RNF19A: variants seen among roughly 807,000 people sequenced by gnomAD.
RNF19A encodes the protein ring finger protein 19A, RBR E3 ubiquitin protein ligase.
In RNF19A, 32 loss-of-function variants were observed where a neutral mutation model predicts 75.7. The observed-to-expected ratio is 0.42, with a 90% CI of 0.32 to 0.57. The LOEUF (loss-of-function observed/expected upper bound fraction) is 0.57, where lower values mean the gene tolerates loss of function less well. Among genes scored for constraint, RNF19A ranks in the 20% least tolerant of loss-of-function variants. RNF19A has a pLI of 0.10. For missense variants in RNF19A, 782 were observed against 1,036.3 expected (o/e 0.75, Z 3.37); for synonymous variants, 335 against 345.2 (o/e 0.97, Z 0.33).
chr8:100,257,791 G>A lies in RNF19A; in HGVS notation c.*765C>T, dbSNP rs1004913753. Reference sequence around the variant, plus strand: ...AATGGGGTACAAACTTCCCCTTAGAGAAAGGTGGATTTTTTGTAATACTTA... The same window carrying A: ...AATGGGGTACAAACTTCCCCTTAGAAAAAGGTGGATTTTTTGTAATACTTA... On this transcript the variant is annotated 3_prime_UTR_variant, in exon 10 of 10. Transcript: ENST00000341084. 1.1e-5 allele frequency: 4 copies of A among 378,168 alleles called. No individual in the cohort carries two copies. In the Admixed American group the frequency reaches 1.8e-4, roughly 17 times the overall value. The allele number at this position is 378,168 out of a possible 1,614,324, so 23.4% of individuals were successfully genotyped here. A position where few individuals can be genotyped will look rare whatever the true frequency, so the allele number is the denominator to read the frequency against.
rs1057300424 is a variant in RNF19A, at chr8:100,330,059, G to C, written c.-243+6049C>G. On this transcript the variant is annotated intron_variant, in intron 1 of 3. Transcript: ENST00000519527. This position sits in a 1 kb window ranked among gnomAD's most constrained non-coding sequence, Gnocchi z 4.1. The stretch of plus-strand genomic sequence containing the variant: ...CTTATAGGAGAGGTGGGGGAAGTTG[G>C]ATTAGAGGGCTGCCAGGATCCTTCT... 2.6e-5 allele frequency among the ~76,000 whole-genome samples: 4 copies of C among 152,098 alleles called. No homozygotes were observed. Among genetic ancestry groups the C allele is most frequent in the African/African-American group, 9.7e-5 (4 of 41,408 alleles).
chr8:100,319,446 C>G (rs1010593073), intron 1 of RNF19A, among the ~76,000 whole-genome samples: 1 of 151,818 alleles, frequency 6.6e-6, no homozygotes, highest in African/African-American at 2.4e-5. Context: ...GGAGTTGAGG[C>G]CTACTTTGCA....
upstream of RNF19A, chr8:100,310,374 G>A: frequency 2.7e-6 from 1 of 373,192 alleles, no homozygotes; most frequent in Non-Finnish European, 3.7e-6. Context: ...GCGCCGGGCA[G>A]TGGGGCCGGT....
rs1308430585 is a variant in RNF19A, at chr8:100,322,365, TCCA to T, written c.-242-8996_-242-8994del. On this transcript the variant is annotated intron_variant, in intron 1 of 3. Transcript: ENST00000519527. This position sits in a 1 kb window ranked among gnomAD's most constrained non-coding sequence, Gnocchi z 5.1. ...CAAACTCTTTCCTTATACCTCATGATCCAACCTCTGCTAGCTTCAAACTTTTCT... is the reference window on the plus strand; with the variant it reads ...CAAACTCTTTCCTTATACCTCATGATACCTCTGCTAGCTTCAAACTTTTCT... 6.6e-6 allele frequency among the ~76,000 whole-genome samples: 1 copy of T among 152,274 alleles called. No individual in the cohort carries two copies. The highest frequency in any genetic ancestry group is 2.4e-5 in the African/African-American group (1 of 41,474).
At position 100,259,100 on chromosome 8, in the gene RNF19A, G is replaced by C. The variant is rs762167828; in HGVS notation, c.1973C>G (p.Ser658Cys). 1.2e-6 allele frequency: 2 copies of C among 1,614,046 alleles called. No homozygotes were observed. The highest frequency in any genetic ancestry group is 1.3e-5 in the African/African-American group (1 of 74,994). Residue 658 changes from serine (S) to cysteine (C), a missense_variant, in exon 10 of 10, where the codon TCT (serine) becomes TGT (cysteine). Coordinates refer to ENST00000341084, the MANE Select transcript of RNF19A (RefSeq NM_183419.4). The surrounding 1 kb of genome is among the most constrained non-coding windows in gnomAD (Gnocchi z 4.5). Reference protein sequence around the residue: ...GSSSGLPEGKSSATKWSKEAT... With the variant: ...GSSSGLPEGKCSATKWSKEAT... ...TTCTTTGGACCACTTGGTGGCACTA[G>C]ATTTACCTTCAGGCAAGCCACTGGA...
intron 1 of RNF19A, among the ~76,000 whole-genome samples, chr8:100,302,949 G>T (rs1318196136): frequency 6.6e-6 from 1 of 152,092 alleles, no homozygotes; most frequent in African/African-American, 2.4e-5. Context: ...GAGACTGGAG[G>T]GTATTAAAAC....
chr8:100,271,501 T>C (rs753971658), intron 3 of RNF19A, among the ~76,000 whole-genome samples: 2 of 152,194 alleles, frequency 1.3e-5, no homozygotes, highest in Admixed American at 6.5e-5. Flanking sequence ...AAGTAGTAGG[T>C]ATCTCAACAA....
rs866645079 is a variant in RNF19A, at chr8:100,317,912, C to T, written c.-242-4540G>A. 3.9e-5 allele frequency among the ~76,000 whole-genome samples: 6 copies of T among 152,130 alleles called. No individual in the cohort carries two copies. The highest frequency in any genetic ancestry group is 1.4e-4 in the African/African-American group (6 of 41,422). ...TGAGTTAGACAATAAATTACATGGT[C>T]ACCCTGGTAATGAGCCTCAATGTCA... On this transcript the variant is annotated intron_variant, in intron 1 of 3. Coordinates refer to the RNF19A transcript ENST00000519527. This position sits in a 1 kb window ranked among gnomAD's most constrained non-coding sequence, Gnocchi z 4.3.
Position 100,261,962 on chromosome 8 carries a change from C to G in RNF19A, c.1469-207G>C, listed in dbSNP as rs1330302809. Among the ~76,000 whole-genome samples, 4 of 151,830 alleles carry G rather than the reference C, an allele frequency of 2.6e-5. No homozygotes were observed. The highest frequency in any genetic ancestry group is 5.9e-5 in the Non-Finnish European group (4 of 67,954). ...GTCACTAGTTTCTTTTTTCAAAAAC[C>G]CAGATTTAGGAATTCTATAAAGAAT... is the stretch of plus-strand genomic sequence containing the variant. On this transcript the variant is annotated intron_variant, in intron 7 of 9. Transcript: ENST00000341084. The surrounding 1 kb of genome is among the most constrained non-coding windows in gnomAD (Gnocchi z 4.4).
chr8:100,310,056 T>C (rs972678724), upstream of RNF19A: 100 of 985,516 alleles, frequency 1.0e-4, no homozygotes, highest in Admixed American at 3.7e-4. Flanking sequence ...TCCTCCGCAG[T>C]TGTGGCTCGA....
At chr8:100,274,496 C>T (rs191598145) in intron 3 of RNF19A, among the ~76,000 whole-genome samples, 1 of 152,286 alleles carries the variant, frequency 6.6e-6, no homozygotes, top group East Asian at 1.9e-4. Flanking sequence ...TTTCATGTGA[C>T]TTTTTTTCTA....
chr8:100,317,698 C>A lies in RNF19A; in HGVS notation c.-242-4326G>T, dbSNP rs546321990. Reference sequence around the variant, plus strand: ...ACAAATTGAGCTGGTTAGACAAACTCCATGTTTGACAGGATGAGGTTGGCT... The same window carrying A: ...ACAAATTGAGCTGGTTAGACAAACTACATGTTTGACAGGATGAGGTTGGCT... On this transcript the variant is annotated intron_variant, in intron 1 of 3. Transcript: ENST00000519527. This position sits in a 1 kb window ranked among gnomAD's most constrained non-coding sequence, Gnocchi z 4.3. 1.6e-4 allele frequency among the ~76,000 whole-genome samples: 24 copies of A among 152,290 alleles called. No homozygotes were observed. In the South Asian group the frequency reaches 5.0e-3, roughly 32 times the overall value.
chr8:100,327,084 T>C (rs1177314504), intron 1 of RNF19A, among the ~76,000 whole-genome samples: 3 of 150,502 alleles, frequency 2.0e-5, no homozygotes, highest in South Asian at 2.1e-4. Context: ...TATTTTGCTA[T>C]GAAAAAAGTC....
Position 100,261,532 on chromosome 8 carries a change from A to G in RNF19A, c.1682+10T>C. 1 of 1,612,980 alleles carries G rather than the reference A, an allele frequency of 6.2e-7. No homozygotes were observed. The highest frequency in any genetic ancestry group is 8.5e-7 in the Non-Finnish European group (1 of 1,179,158). On this transcript the variant is annotated intron_variant, in intron 8 of 9. Coordinates refer to ENST00000341084, the MANE Select transcript of RNF19A (RefSeq NM_183419.4). The surrounding 1 kb of genome is among the most constrained non-coding windows in gnomAD (Gnocchi z 4.4). ...CAGAAAGCAGAACCAAACCAAACCA[A>G]AACACACACCTGTTAAAACAGTTTA...
chr8:100,276,738 A>AAG (rs1554669036), intron 2 of RNF19A, among the ~76,000 whole-genome samples: 2 of 149,984 alleles, frequency 1.3e-5, no homozygotes, highest in Non-Finnish European at 1.5e-5. Context: ...AAAAAAAAAA[A>AAG]AAAAAGAAAA....
At chr8:100,280,730 A>G (rs1820744711) in intron 2 of RNF19A, among the ~76,000 whole-genome samples, 5 of 152,180 alleles carry the variant, frequency 3.3e-5, no homozygotes, top group Admixed American at 3.3e-4. Context: ...TATGTATTCA[A>G]TCCTAACCAT....
Position 100,287,810 on chromosome 8 carries a change from A to C in RNF19A, c.365T>G (p.Ile122Ser), listed in dbSNP as rs1190254485. Reference protein sequence around the residue: ...NTSSDNGLTSISKQIGDFIEC... With the variant: ...NTSSDNGLTSSSKQIGDFIEC... ...TATGAAGTCTCCAATTTGTTTGCTG[A>C]TGGAAGTTAATCCATTGTCAGAAGA... The change falls in exon 2 of 10, where the codon ATC becomes AGC. Residue 122 changes from isoleucine to serine, a missense_variant. Around this residue, in one of 7 missense-constraint regions of RNF19A, gnomAD observed 148 missense variants for 147.9 expected, o/e 1.00. Coordinates refer to ENST00000341084, the MANE Select transcript of RNF19A (RefSeq NM_183419.4). This position sits in a 1 kb window ranked among gnomAD's most constrained non-coding sequence, Gnocchi z 4.1. 1.2e-6 allele frequency: 2 copies of C among 1,614,220 alleles called. No homozygotes were observed. Among genetic ancestry groups the C allele is most frequent in the Non-Finnish European group, 1.7e-6 (2 of 1,180,024 alleles).
chr8:100,303,363 T>C (rs1023104862), intron 1 of RNF19A: 7 of 152,216 alleles, frequency 4.6e-5, no homozygotes, highest in Admixed American at 3.9e-4. Context: ...GGTCTACTTG[T>C]CCCTTACAAA....
At chr8:100,319,311 TC>T (rs11308441) in intron 1 of RNF19A, among the ~76,000 whole-genome samples, 48,279 of 151,308 alleles carry the variant, frequency 0.32, 8,200 homozygotes, top group East Asian at 0.41. Context: ...AAAGTTTTTT[TC>T]TTTTTTAACA....
Sources: gnomAD v4.1 joint callset for allele counts (sites outside exome capture counted in the v4.1 genomes callset) on GRCh38, gnomAD v4.1.1 for gene constraint, gnomAD v4.1.1 regional missense constraint, Gnocchi (gnomAD v3.1) non-coding constraint, MANE v1.5 for transcripts, NCBI Gene and HGNC (gene_info 2026-07-23, HGNC 2026-07-21) for gene names.